The following ZCCHC2 variants were observed in gnomAD, a reference collection of about 807,000 sequenced individuals.
ZCCHC2 encodes zinc finger CCHC domain-containing protein 2.
ZCCHC2 carries 39 observed loss-of-function variants against 103.6 expected under a neutral mutation model. That is an observed-to-expected ratio of 0.38 (90% CI 0.29 to 0.49). The LOEUF (loss-of-function observed/expected upper bound fraction) is 0.49. Ranked by LOEUF, ZCCHC2 falls within the 20% of genes least tolerant of loss-of-function variation. ZCCHC2 has a pLI of 0.96. For missense variants in ZCCHC2, 1,483 were observed against 1,491.0 expected, an observed-to-expected ratio of 0.99 and a Z score of 0.09; for synonymous variants, 687 against 608.9, an observed-to-expected ratio of 1.13 and a Z score of -1.89.
At chr18:62,545,017 C>T (rs998929617) in intron 4 of ZCCHC2, 144 bp downstream of exon 4, 3 of 610,148 alleles carry the variant, frequency 4.9e-6, no homozygotes, top group South Asian at 2.6e-5. Context: ...CTGTGGAAAA[C>T]GTCATGTTAT....
chr18:62,578,888 C>T (rs1220887366), downstream of ZCCHC2, among the ~76,000 whole-genome samples: 1 of 152,164 alleles, frequency 6.6e-6, no homozygotes, highest in Non-Finnish European at 1.5e-5. Flanking sequence ...CTGCCTCCGC[C>T]TCCTGAGTAG....
rs112087758 is a variant in ZCCHC2 at position 62,573,965 on chromosome 18, G to T, written c.1976-92G>T. On this transcript the variant is annotated intron_variant, in intron 12 of 13. Coordinates refer to ENST00000269499, the MANE Select transcript of ZCCHC2 (RefSeq NM_017742.6). ...ACATAGAGGGACACTTTCCAAACTT[G>T]AGTTACTTTGAGGTATACTCAATGT... The T allele has an allele frequency of 1.5e-3, 1,937 of 1,317,656 alleles. 26 individuals carry two copies. The African/African-American group carries it at 0.025, about 17-fold the overall frequency. The allele number at this position is 1,317,656 out of a possible 1,614,324, so 81.6% of individuals were successfully genotyped here. A position where few individuals can be genotyped will look rare whatever the true frequency, so the allele number is the denominator to read the frequency against.
At chr18:62,564,404 A>G (rs1916255457) in intron 9 of ZCCHC2, among the ~76,000 whole-genome samples, 167 bp from the exon 10 acceptor site, 1 of 152,262 alleles carries the variant, frequency 6.6e-6, no homozygotes, top group Non-Finnish European at 1.5e-5. Context: ...GTGTCACAGA[A>G]TATGTAAATT....
chr18:62,542,396 CTTAA>C, intron 2 of ZCCHC2, 98 bp from the exon 3 acceptor site: 4 of 769,264 alleles, frequency 5.2e-6, no homozygotes, highest in Middle Eastern at 2.5e-4. Context: ...AAGTGAGTAG[CTTAA>C]TTGTTAAGCA....
chr18:62,534,852 T>C (rs1042196999), intron 1 of ZCCHC2, among the ~76,000 whole-genome samples: 8 of 152,226 alleles, frequency 5.3e-5, no homozygotes, highest in Admixed American at 3.9e-4. Context: ...TTTGGGAAAA[T>C]TGCCCATTCT....
At chr18:62,526,806 C>G (rs922143559) in intron 1 of ZCCHC2, 9 of 151,742 alleles carry the variant, frequency 5.9e-5, no homozygotes, top group South Asian at 4.1e-4. Context: ...CCCCGCCCTG[C>G]AAGATGGCGG....
In ZCCHC2 at chr18:62,542,485, T is replaced by A; in HGVS notation, c.1052-13T>A. On this transcript the variant is annotated splice_polypyrimidine_tract_variant and intron_variant, in intron 2 of 13. Transcript: ENST00000269499. ...TTTGTAGCACAAGTCACCGTGTGTT[T>A]TTTTTCTTTCAGCTGTACACATTGA... 5 of 1,554,618 alleles carry A rather than the reference T, an allele frequency of 3.2e-6. No homozygotes were observed. Among genetic ancestry groups the A allele is most frequent in the Non-Finnish European group, 4.4e-6 (5 of 1,148,162 alleles).
chr18:62,523,465 C>A lies in ZCCHC2; in HGVS notation c.41C>A (p.Ala14Glu). 1 of 1,092,556 alleles carries A rather than the reference C, an allele frequency of 9.2e-7. No individual in the cohort carries two copies. 67.7% of individuals were successfully genotyped at this position (1,092,556 alleles called of 1,614,324 possible). A position where few individuals can be genotyped will look rare whatever the true frequency, so the allele number is the denominator to read the frequency against. The change falls in exon 1 of 14, where the codon GCG becomes GAG. Residue 14 changes from alanine (A) to glutamate (E), a missense_variant. Physicochemically the swap from Ala to Glu is moderately radical, Grantham distance 107. This residue lies in a region of ZCCHC2 where 568 missense variants were observed against 525.1 expected (regional missense o/e 1.08). Transcript: ENST00000269499. ...CTGCCGCTGAAGCCAACGCACCCCG[C>A]GGAGCCGCCGCCCGAGGCGGAGGAG... is the stretch of plus-strand genomic sequence containing the variant. ...MKLPLKPTHP[A>E]EPPPEAEEPE...
chr18:62,570,273 T>C, intron 12 of ZCCHC2, 42 bp downstream of exon 12: 1 of 1,597,472 alleles, frequency 6.3e-7, no homozygotes, highest in African/African-American at 1.3e-5. Context: ...ATGGCAGGGG[T>C]GGGGAAGTGG....
At chr18:62,563,751 G>A (rs917399602) in intron 9 of ZCCHC2, among the ~76,000 whole-genome samples, 6 of 152,120 alleles carry the variant, frequency 3.9e-5, no homozygotes, top group Admixed American at 6.5e-5. Flanking sequence ...AAAATTTTTT[G>A]GTCTTGAAAG....
In ZCCHC2 at chr18:62,576,506, T is replaced by C. The variant is rs1803148110; in HGVS notation, c.3470-6T>C. The C allele has an allele frequency of 6.2e-7, 1 of 1,612,740 alleles. No individual in the cohort carries two copies. The highest frequency in any genetic ancestry group is 8.5e-7 in the Non-Finnish European group (1 of 1,179,098). On this transcript the variant is annotated splice_polypyrimidine_tract_variant and splice_region_variant and intron_variant, in intron 13 of 13. Coordinates refer to ENST00000269499, the MANE Select transcript of ZCCHC2 (RefSeq NM_017742.6). ...CGGTGACTTAGTTCTGTCTTTCCCA[T>C]TTTAGGCACTTACAGACTGAGATAC... is the stretch of plus-strand genomic sequence containing the variant.
At chr18:62,541,517 T>C (rs542254358) in intron 2 of ZCCHC2, among the ~76,000 whole-genome samples, 1 of 150,644 alleles carries the variant, frequency 6.6e-6, no homozygotes, top group Admixed American at 6.6e-5. Flanking sequence ...GAATGCCCCT[T>C]TTTTCCTCCA....
intron 7 of ZCCHC2, 73 bp from the exon 8 acceptor site, chr18:62,560,514 A>C: frequency 8.0e-7 from 1 of 1,246,092 alleles, no homozygotes. Context: ...ATGATCATAC[A>C]AACTAGTAGC....
chr18:62,573,971 C>T, intron 12 of ZCCHC2, 86 bp from the exon 13 acceptor site: 1 of 1,362,012 alleles, frequency 7.3e-7, no homozygotes, highest in Non-Finnish European at 9.9e-7. Context: ...ACTTGAGTTA[C>T]TTTGAGGTAT....
rs74341905 is a variant in ZCCHC2, at chr18:62,561,935, G to A, written c.1551-1074G>A. On this transcript the variant is annotated intron_variant, in intron 8 of 13. Transcript: ENST00000269499. ...TTCTTCTCCGCTTTTCTCTTGCTCCGTCTTCCAAGACTCCAAATCCTTGTA... is the reference window on the plus strand; with the variant it reads ...TTCTTCTCCGCTTTTCTCTTGCTCCATCTTCCAAGACTCCAAATCCTTGTA... Among the ~76,000 whole-genome samples, 1,356 of 151,990 alleles carry A rather than the reference G, an allele frequency of 8.9e-3. 20 individuals are homozygous for A. Among genetic ancestry groups the A allele is most frequent in the African/African-American group, 0.031 (1,299 of 41,424 alleles).
At chr18:62,560,911 T>C (rs1398417963) in intron 8 of ZCCHC2, among the ~76,000 whole-genome samples, 2 of 152,052 alleles carry the variant, frequency 1.3e-5, no homozygotes, top group Admixed American at 1.3e-4. Flanking sequence ...GTGGCTACCC[T>C]AGAGATAATA....
At chr18:62,529,660 A>G (rs1318300001) in intron 1 of ZCCHC2, among the ~76,000 whole-genome samples, 1 of 152,228 alleles carries the variant, frequency 6.6e-6, no homozygotes, top group African/African-American at 2.4e-5. Flanking sequence ...TTCCTTCCCC[A>G]GTTACATTTT....
chr18:62,528,175 A>G (rs752003471), intron 1 of ZCCHC2, among the ~76,000 whole-genome samples: 1 of 152,260 alleles, frequency 6.6e-6, no homozygotes, highest in Non-Finnish European at 1.5e-5. Flanking sequence ...TTTCGATACT[A>G]AGGCACAAAA....
chr18:62,559,736 G>T (rs1277752530), intron 7 of ZCCHC2, among the ~76,000 whole-genome samples: 1 of 152,182 alleles, frequency 6.6e-6, no homozygotes, highest in Non-Finnish European at 1.5e-5. Flanking sequence ...TGTTAGTAAT[G>T]TTATAAATAA....
Sources: allele counts gnomAD v4.1 joint callset (sites outside exome capture counted in the v4.1 genomes callset), GRCh38; gene constraint gnomAD v4.1.1; regional missense constraint gnomAD v4.1.1; transcripts MANE v1.5; gene names NCBI Gene and HGNC (gene_info 2026-07-23, HGNC 2026-07-21).